CIITA: variants seen among roughly 807,000 people sequenced by gnomAD.
The protein encoded by CIITA is class II major histocompatibility complex transactivator.
CIITA carries 72 observed loss-of-function variants against 115.1 expected under a neutral mutation model. That is an observed-to-expected ratio of 0.63 (90% confidence interval 0.52 to 0.76). CIITA has a LOEUF of 0.76. Among genes scored for constraint, CIITA ranks in the 30% least tolerant of loss-of-function variants. The pLI is 0.00. For synonymous variants in CIITA, 763 were observed against 635.6 expected (o/e 1.20, Z -3.02); for missense variants, 1,617 against 1,463.8 (o/e 1.10, Z -1.71).
intron 1 of CIITA, among the ~76,000 whole-genome samples, chr16:10,889,117 T>C (rs2037269744): frequency 6.6e-6 from 1 of 152,142 alleles, no homozygotes; most frequent in Non-Finnish European, 1.5e-5. Flanking sequence ...GAAGGTGAGC[T>C]AGAGGGATAC....
chr16:10,873,550 G>C (rs1474113933), upstream of CIITA, among the ~76,000 whole-genome samples: 1 of 152,234 alleles, frequency 6.6e-6, no homozygotes, highest in Non-Finnish European at 1.5e-5. Flanking sequence ...CAGGAGAGCA[G>C]CACCGGGAGG....
chr16:10,904,936 T>TATTC (rs151070223), intron 10 of CIITA, 124 bp downstream of exon 10: 41 of 944,970 alleles, frequency 4.3e-5, no homozygotes, highest in South Asian at 2.0e-4. Context: ...CTCATTTATT[T>TATTC]ATTCATTCAT....
rs1319283602 is a variant in CIITA at position 10,902,197 on chromosome 16, GC to G, written c.628+14del. ...GACCAGATTCCCAGTATGTTAGGGG[GC>G]TTGGAGAGAGTGGGCTTTCTCCCTC... On this transcript the variant is annotated intron_variant, in intron 7 of 19. Coordinates refer to ENST00000324288, the MANE Select transcript of CIITA (RefSeq NM_000246.4). 2 of 1,613,910 alleles carry G rather than the reference GC, an allele frequency of 1.2e-6. No individual in the cohort carries two copies. The highest frequency in any genetic ancestry group is 1.7e-6 in the Non-Finnish European group (2 of 1,180,002).
Position 10,894,252 on chromosome 16 carries a change from A to AT in CIITA, c.53-1022dup, listed in dbSNP as rs34287583. ...TTTGTGTCCGGCTTCTTCACTTAGCATTTTTTTTAAGGTTCATCCATGTTC... is the reference window on the plus strand; with the variant it reads ...TTTGTGTCCGGCTTCTTCACTTAGCATTTTTTTTTAAGGTTCATCCATGTTC... On this transcript the variant is annotated intron_variant, in intron 1 of 19. Transcript: ENST00000324288. Among the ~76,000 whole-genome samples the AT allele has an allele frequency of 9.4e-3, 1,427 of 151,542 alleles. 71 individuals are homozygous for AT. The East Asian group carries it at 0.15, about 16-fold the overall frequency.
chr16:10,901,467 T>G lies in CIITA; in HGVS notation c.437-47T>G. Reference sequence around the variant, plus strand: ...CTAGAGTCCTGAGCCCCTTCTGGCTTGGGACATCCTCTCCCTGGGGCAGCT... The same window carrying G: ...CTAGAGTCCTGAGCCCCTTCTGGCTGGGGACATCCTCTCCCTGGGGCAGCT... On this transcript the variant is annotated intron_variant, in intron 5 of 19. Transcript: ENST00000324288. The surrounding 1 kb of genome is among the most constrained non-coding windows in gnomAD (Gnocchi z 6.8). 1 of 1,609,498 alleles carries G rather than the reference T, an allele frequency of 6.2e-7. No individual in the cohort carries two copies. Among genetic ancestry groups the G allele is most frequent in the South Asian group, 1.1e-5 (1 of 90,942 alleles).
Position 10,918,482 on chromosome 16 carries a change from C to A in CIITA, c.3105C>A (p.Leu1035=), listed in dbSNP as rs1297513528. The part of the protein sequence containing the change: ...NNITDLGAYK[L]AEALPSLAAS... ...TCACTGACCTGGGTGCCTACAAACT[C>A]GCCGAGGCCCTGCCTTCGCTCGCTG... The change falls in exon 16 of 20, where the codon CTC becomes CTA. Residue 1035 remains leucine (L), a synonymous_variant. Coordinates refer to ENST00000324288, the MANE Select transcript of CIITA (RefSeq NM_000246.4). The A allele has an allele frequency of 6.2e-7, 1 of 1,614,206 alleles. No homozygotes were observed. Among genetic ancestry groups the A allele is most frequent in the Non-Finnish European group, 8.5e-7 (1 of 1,180,038 alleles).
intron 13 of CIITA, 21 bp downstream of exon 13, chr16:10,910,280 T>C (rs760909687): frequency 6.2e-7 from 1 of 1,609,494 alleles, no homozygotes. Context: ...GGGTGGATTG[T>C]CTTGTGGGTC....
chr16:10,886,941 G>A (rs2037009478), intron 1 of CIITA, among the ~76,000 whole-genome samples: 1 of 152,214 alleles, frequency 6.6e-6, no homozygotes, highest in African/African-American at 2.4e-5. Flanking sequence ...CTCTTTGGCA[G>A]GGACTGTGTG....
At chr16:10,911,434 C>T (rs1465964786) in intron 13 of CIITA, among the ~76,000 whole-genome samples, 1 of 145,662 alleles carries the variant, frequency 6.9e-6, no homozygotes, top group Non-Finnish European at 1.5e-5. Flanking sequence ...TTCTTTCTTT[C>T]TTTCCTTCTT....
chr16:10,898,469 C>A (rs1348923894), intron 3 of CIITA, among the ~76,000 whole-genome samples: 1 of 151,764 alleles, frequency 6.6e-6, no homozygotes, highest in Admixed American at 6.5e-5. Context: ...TTCATGGATA[C>A]ATACCTCATC....
chr16:10,869,329 T>C (rs2035312910), intron 1 of CIITA, among the ~76,000 whole-genome samples: 2 of 152,226 alleles, frequency 1.3e-5, no homozygotes, highest in Admixed American at 6.5e-5. Context: ...CAGCACACTG[T>C]CTGCCTCAGA....
intron 1 of CIITA, among the ~76,000 whole-genome samples, chr16:10,870,887 G>C (rs1452330651): frequency 6.6e-6 from 1 of 152,214 alleles, no homozygotes; most frequent in African/African-American, 2.4e-5. Flanking sequence ...TAAACCAGGG[G>C]TTTGAGGCAC....
chr16:10,912,538 C>T (rs2039651773), intron 13 of CIITA, among the ~76,000 whole-genome samples: 1 of 152,196 alleles, frequency 6.6e-6, no homozygotes, highest in African/African-American at 2.4e-5. Flanking sequence ...AAGTGACTTG[C>T]CCGTGGTCCC....
intron 8 of CIITA, among the ~76,000 whole-genome samples, chr16:10,903,527 T>C (rs1596537650): frequency 1.3e-5 from 2 of 152,296 alleles, no homozygotes; most frequent in Admixed American, 6.5e-5. Flanking sequence ...ATTTCACAGA[T>C]TGGAAAAGCA....
rs144113544 is a variant in CIITA, at chr16:10,907,820, A to G, written c.2328A>G (p.Pro776=). 8.7e-6 allele frequency: 14 copies of G among 1,613,712 alleles called. No individual in the cohort carries two copies. The African/African-American group carries it at 1.5e-4, about 17-fold the overall frequency. ...PARCLGALLG[P]SAAASVDRKQ... is the part of the protein sequence containing the mutation. ...GCTGCCTGGGAGCCCTACTCGGGCC[A>G]TCGGCGGCTGCCTCGGTGGACAGGA... The change falls in exon 11 of 20, where the codon CCA becomes CCG. Residue 776 remains proline (P), a synonymous_variant. Coordinates refer to ENST00000324288, the MANE Select transcript of CIITA (RefSeq NM_000246.4). The surrounding 1 kb of genome is among the most constrained non-coding windows in gnomAD (Gnocchi z 5.0).
Position 10,925,535 on chromosome 16 carries a change from C to T in CIITA, c.*1680C>T, listed in dbSNP as rs932844800. On this transcript the variant is annotated 3_prime_UTR_variant, in exon 20 of 20. Coordinates refer to ENST00000324288, the MANE Select transcript of CIITA (RefSeq NM_000246.4). ...ATGTTGCCCAGGCAGGTCTTGAACTCCTGGCCTCAAGTGATTCTCCTGCCT... is the reference window on the plus strand; with the variant it reads ...ATGTTGCCCAGGCAGGTCTTGAACTTCTGGCCTCAAGTGATTCTCCTGCCT... The T allele has an allele frequency of 2.0e-5, 3 of 152,310 alleles. No individual in the cohort carries two copies. Among genetic ancestry groups the T allele is most frequent in the African/African-American group, 7.2e-5 (3 of 41,432 alleles). 9.4% of individuals were successfully genotyped at this position (152,310 alleles called of 1,614,324 possible). A position where few individuals can be genotyped will look rare whatever the true frequency, so the allele number is the denominator to read the frequency against.
chr16:10,901,482 C>G lies in CIITA; in HGVS notation c.437-32C>G. ...CCTTCTGGCTTGGGACATCCTCTCC[C>G]TGGGGCAGCTGATCACATGTTTTCT... On this transcript the variant is annotated intron_variant, in intron 5 of 19. Transcript: ENST00000324288. This position sits in a 1 kb window ranked among gnomAD's most constrained non-coding sequence, Gnocchi z 6.8. 3 of 1,613,696 alleles carry G rather than the reference C, an allele frequency of 1.9e-6. No individual in the cohort carries two copies. Among genetic ancestry groups the G allele is most frequent in the Non-Finnish European group, 2.5e-6 (3 of 1,179,724 alleles).
At chr16:10,902,866 C>T in intron 8 of CIITA, 65 bp downstream of exon 8, 1 of 1,581,678 alleles carries the variant, frequency 6.3e-7, no homozygotes, top group African/African-American at 1.3e-5. Context: ...TGACCTCATC[C>T]TCCCCATACT....
intron 11 of CIITA, chr16:10,908,368 T>C (rs1001394918): frequency 1.5e-5 from 10 of 689,058 alleles, no homozygotes; most frequent in African/African-American, 5.3e-5. Flanking sequence ...TCCCAGTCAA[T>C]ATTTGAAGGC....
Sources: allele counts gnomAD v4.1 joint callset (sites outside exome capture counted in the v4.1 genomes callset), GRCh38; gene constraint gnomAD v4.1.1; non-coding constraint Gnocchi (gnomAD v3.1); transcripts MANE v1.5; gene names NCBI Gene and HGNC (gene_info 2026-07-23, HGNC 2026-07-21).